ATRNL1: variants seen among roughly 807,000 people sequenced by gnomAD.
ATRNL1 encodes the protein attractin like 1.
ATRNL1 carries 95 observed loss-of-function variants against 182.7 expected under a neutral mutation model. The ratio of observed to expected loss-of-function variants is 0.52; its 90% CI spans 0.44 to 0.62. The LOEUF (loss-of-function observed/expected upper bound fraction) is 0.62, where lower values mean the gene tolerates loss of function less well. Among genes scored for constraint, ATRNL1 ranks in the 20% least tolerant of loss-of-function variants. The pLI is 0.00. For missense variants in ATRNL1, 1,471 were observed against 1,679.5 expected, an observed-to-expected ratio of 0.88 and a Z score of 2.17; for synonymous variants, 576 against 568.3, an observed-to-expected ratio of 1.01 and a Z score of -0.19.
intron 27 of ATRNL1, among the ~76,000 whole-genome samples, chr10:115,822,622 A>G (rs997397143): frequency 2.0e-5 from 3 of 152,220 alleles, no homozygotes; most frequent in Non-Finnish European, 4.4e-5. Context: ...GCACAGAAAT[A>G]CAAACTACCA....
In ATRNL1 at chr10:115,723,840, G is replaced by A. The variant is rs1466972504; in HGVS notation, c.3796-3408G>A. ...CCCAAAGTGCTTACAGGCGTGAGCC[G>A]CTGAGCCTGGCCTGATTTTCATATC... On this transcript the variant is annotated intron_variant, in intron 26 of 28. Transcript: ENST00000355044. Among the ~76,000 whole-genome samples, 7 of 152,210 alleles carry A rather than the reference G, an allele frequency of 4.6e-5. 1 individual carries two copies. In the East Asian group the frequency reaches 5.8e-4, roughly 13 times the overall value.
intron 26 of ATRNL1, among the ~76,000 whole-genome samples, chr10:115,549,965 T>A (rs1554995123): frequency 6.6e-6 from 1 of 151,924 alleles, no homozygotes; most frequent in Non-Finnish European, 1.5e-5. Context: ...AACATTCTTT[T>A]TTTGGGAATC....
chr10:115,579,990 G>C (rs1555006677), intron 26 of ATRNL1, among the ~76,000 whole-genome samples: 1 of 151,960 alleles, frequency 6.6e-6, no homozygotes, highest in Non-Finnish European at 1.5e-5. Context: ...AGAATTCACT[G>C]CTTTTACCTT....
At chr10:115,631,788 G>A (rs931965137) in intron 26 of ATRNL1, among the ~76,000 whole-genome samples, 3 of 151,984 alleles carry the variant, frequency 2.0e-5, no homozygotes, top group Non-Finnish European at 2.9e-5. Context: ...TGATATTATC[G>A]AGATCACATT....
At chr10:115,579,845 G>C (rs1483414884) in intron 26 of ATRNL1, among the ~76,000 whole-genome samples, 1 of 151,692 alleles carries the variant, frequency 6.6e-6, no homozygotes, top group Non-Finnish European at 1.5e-5. Context: ...TGTATTGCTA[G>C]ATTTTAATTG....
intron 27 of ATRNL1, among the ~76,000 whole-genome samples, chr10:115,815,383 T>C (rs951165907): frequency 6.6e-6 from 1 of 150,926 alleles, no homozygotes; most frequent in African/African-American, 2.4e-5. Flanking sequence ...CCACCACAGA[T>C]CAACACATCC....
At chr10:115,157,605 G>A (rs2143969809) in intron 5 of ATRNL1, among the ~76,000 whole-genome samples, 1 of 152,108 alleles carries the variant, frequency 6.6e-6, no homozygotes, top group African/African-American at 2.4e-5. Flanking sequence ...GCAGCATCTT[G>A]CTTTGATAGT....
intron 26 of ATRNL1, among the ~76,000 whole-genome samples, chr10:115,717,545 G>GTTATTTTTT (rs1555056622): frequency 3.1e-5 from 2 of 65,236 alleles, no homozygotes; most frequent in Admixed American, 2.0e-4. Context: ...TGCCTGAAAT[G>GTTATTTTTT]TTCTTTTTTT....
At chr10:115,628,821 G>C (rs1858288147) in intron 26 of ATRNL1, among the ~76,000 whole-genome samples, 1 of 151,760 alleles carries the variant, frequency 6.6e-6, no homozygotes, top group African/African-American at 2.4e-5. Flanking sequence ...TTGCGGTTTT[G>C]GTATTACTTT....
chr10:115,639,908 A>T (rs1859126483), intron 26 of ATRNL1, among the ~76,000 whole-genome samples: 1 of 152,078 alleles, frequency 6.6e-6, no homozygotes, highest in Non-Finnish European at 1.5e-5. Context: ...GCGCCCATCA[A>T]CCGTCATCTA....
intron 27 of ATRNL1, among the ~76,000 whole-genome samples, chr10:115,834,390 C>A (rs531602537): frequency 6.6e-6 from 1 of 152,254 alleles, no homozygotes; most frequent in Non-Finnish European, 1.5e-5. Flanking sequence ...TTGAAACCCA[C>A]TTCCCTAAGT....
At chr10:115,629,888 G>T (rs1449037789) in intron 26 of ATRNL1, among the ~76,000 whole-genome samples, 2 of 152,096 alleles carry the variant, frequency 1.3e-5, no homozygotes, top group Non-Finnish European at 2.9e-5. Context: ...TATTTGAGTT[G>T]AATGTTGACT....
chr10:115,160,147 C>T lies in ATRNL1; in HGVS notation c.937C>T (p.His313Tyr), dbSNP rs1554882917. 1 of 1,612,582 alleles carries T rather than the reference C, an allele frequency of 6.2e-7. No homozygotes were observed. The highest frequency in any genetic ancestry group is 1.3e-5 in the African/African-American group (1 of 74,888). ...VGRASHKAVL[H>Y]GKFMWVIGGY... The stretch of plus-strand genomic sequence containing the variant: ...TCGGGCTTCACATAAAGCAGTTTTA[C>T]ACGGGAAATTTATGTGGGTGATTGG... Residue 313 changes from histidine to tyrosine, a missense_variant, in exon 6 of 29, where the codon CAC (histidine) becomes TAC (tyrosine). Around this residue, in one of 3 missense-constraint regions of ATRNL1, gnomAD observed 1,031 missense variants for 1,156.0 expected, o/e 0.89. Coordinates refer to ENST00000355044, the MANE Select transcript of ATRNL1 (RefSeq NM_207303.4).
At chr10:115,102,402 T>C (rs1398952282) in intron 1 of ATRNL1, among the ~76,000 whole-genome samples, 1 of 152,144 alleles carries the variant, frequency 6.6e-6, no homozygotes, top group African/African-American at 2.4e-5. Flanking sequence ...TTTATTAATG[T>C]ATGTATGTAC....
chr10:115,501,288 C>G (rs1336286062), intron 24 of ATRNL1, among the ~76,000 whole-genome samples: 2 of 152,050 alleles, frequency 1.3e-5, no homozygotes, highest in Non-Finnish European at 2.9e-5. Context: ...CATTAAATAC[C>G]TATGAGTTGG....
chr10:115,103,278 A>G lies in ATRNL1; in HGVS notation c.293+9235A>G, dbSNP rs528258137. On this transcript the variant is annotated intron_variant, in intron 1 of 28. Coordinates refer to ENST00000355044, the MANE Select transcript of ATRNL1 (RefSeq NM_207303.4). ...GGTCTCGAACTTCTGACCTCAGGCA[A>G]TCCGCCTGCCTCAGCCTCCCAAAGT... Among the ~76,000 whole-genome samples the G allele has an allele frequency of 1.2e-4, 19 of 152,160 alleles. No individual in the cohort carries two copies. In the East Asian group the frequency reaches 2.5e-3, roughly 20 times the overall value.
intron 19 of ATRNL1, among the ~76,000 whole-genome samples, chr10:115,344,789 T>C (rs1227096134): frequency 1.3e-5 from 2 of 152,202 alleles, no homozygotes; most frequent in Non-Finnish European, 2.9e-5. Flanking sequence ...ACCCTCAACA[T>C]AGAACGTGGG....
At chr10:115,127,842 C>A in intron 4 of ATRNL1, 121 bp downstream of exon 4, 1 of 634,210 alleles carries the variant, frequency 1.6e-6, no homozygotes, top group Non-Finnish European at 2.4e-6. Flanking sequence ...TGTTAAATTT[C>A]AAATTAGTAG....
At chr10:115,606,046 TTATTGTATTCC>T (rs147472664) in intron 26 of ATRNL1, among the ~76,000 whole-genome samples, 3,028 of 152,104 alleles carry the variant, frequency 0.02, 95 homozygotes, top group African/African-American at 0.067. Context: ...TTATCTGAGT[TTATTGTATTCC>T]TATGTATCAA....
Sources: allele counts gnomAD v4.1 joint callset (sites outside exome capture counted in the v4.1 genomes callset), GRCh38; gene constraint gnomAD v4.1.1; regional missense constraint gnomAD v4.1.1; transcripts MANE v1.5; gene names NCBI Gene and HGNC (gene_info 2026-07-23, HGNC 2026-07-21).